Variants in SHMT1 observed in about 807,000 individuals in gnomAD.
SHMT1 encodes serine hydroxymethyltransferase, cytosolic.
Under a neutral mutation model 49.0 loss-of-function variants are expected in SHMT1, and 45 were observed. That is an observed-to-expected ratio of 0.92 (90% confidence interval 0.72 to 1.18). The LOEUF is 1.18. Ranked by LOEUF, SHMT1 falls within the 50% of genes most tolerant of loss-of-function variation. The pLI is 0.00. For synonymous variants in SHMT1, 232 were observed against 246.6 expected (o/e 0.94, Z 0.55); for missense variants, 541 against 612.4 (o/e 0.88, Z 1.23).
intron 5 of SHMT1, chr17:18,341,028 G>T: frequency 1.7e-6 from 1 of 592,446 alleles, no homozygotes; most frequent in Non-Finnish European, 3.0e-6. Flanking sequence ...CAGGGTTGTA[G>T]TGAGCCCTGC....
chr17:18,356,069 A>G, intron 1 of SHMT1, 69 bp from the exon 2 acceptor site: 1 of 777,896 alleles, frequency 1.3e-6, no homozygotes, highest in Non-Finnish European at 2.0e-6. Context: ...TTTTTTATTT[A>G]TTTTTGAGAT....
chr17:18,332,546 G>A (rs1371579963), intron 9 of SHMT1: 1 of 178,732 alleles, frequency 5.6e-6, no homozygotes, highest in Non-Finnish European at 1.2e-5. Flanking sequence ...CCTTCCTCCG[G>A]AGGACTGAGT....
intron 2 of SHMT1, among the ~76,000 whole-genome samples, chr17:18,355,143 G>A (rs1986110275): frequency 1.3e-5 from 2 of 149,000 alleles, no homozygotes; most frequent in African/African-American, 2.5e-5. Flanking sequence ...GCTGAGGTGG[G>A]CGGATCACGA....
chr17:18,340,173 G>A lies in SHMT1; in HGVS notation c.684C>T (p.Asp228=). 5.0e-6 allele frequency: 8 copies of A among 1,614,224 alleles called. No homozygotes were observed. Among genetic ancestry groups the A allele is most frequent in the Non-Finnish European group, 6.8e-6 (8 of 1,180,052 alleles). The stretch of plus-strand genomic sequence containing the variant: ...CCACCAGCCCGCTGATGTGAGCCAT[G>A]TCCGCCATGAGATACGCCCCGTTCT... The part of the protein sequence containing the change: ...ADENGAYLMA[D]MAHISGLVAA... The change falls in exon 7 of 12, where the codon GAC becomes GAT. Residue 228 remains aspartate (D), a synonymous_variant. Coordinates refer to ENST00000316694, the MANE Select transcript of SHMT1 (RefSeq NM_004169.5). The surrounding 1 kb of genome is among the most constrained non-coding windows in gnomAD (Gnocchi z 4.5).
chr17:18,350,869 A>G (rs1985617327), intron 3 of SHMT1, among the ~76,000 whole-genome samples: 1 of 150,916 alleles, frequency 6.6e-6, no homozygotes, highest in Non-Finnish European at 1.5e-5. Context: ...AGTAGCTGGG[A>G]TTACAGGCAC....
rs1479643925 is a variant in SHMT1 at position 18,335,576 on chromosome 17, T to C, written c.914A>G (p.His305Arg). Residue 305 changes from histidine to arginine, a missense_variant, in exon 8 of 12, where the codon CAC becomes CGC. Physicochemically the swap from His to Arg is conservative, Grantham distance 29. Transcript: ENST00000316694. ...AVFPGLQGGPHNHAIAGVAVA... is the reference protein window; with the variant it reads ...AVFPGLQGGPRNHAIAGVAVA... ...TGTTTTACCAGCAATGGCGTGGTTG[T>C]GGGGACCTCCCTGCAGGCCAGGGAA... 6.2e-7 allele frequency: 1 copy of C among 1,612,526 alleles called. No homozygotes were observed. Among genetic ancestry groups the C allele is most frequent in the South Asian group, 1.1e-5 (1 of 91,040 alleles).
Position 18,340,506 on chromosome 17 carries a change from G to C in SHMT1, c.601+226C>G, listed in dbSNP as rs1984379573. On this transcript the variant is annotated intron_variant, in intron 6 of 11. Transcript: ENST00000316694. This position sits in a 1 kb window ranked among gnomAD's most constrained non-coding sequence, Gnocchi z 4.5. ...GCGCAGTCAGGGCCTGACATTTCTA[G>C]ATGCTTCTCTGAGAACAGTCTCACA... is the stretch of plus-strand genomic sequence containing the variant. 1.5e-6 allele frequency: 1 copy of C among 671,416 alleles called. No homozygotes were observed. The highest frequency in any genetic ancestry group is 1.8e-5 in the African/African-American group (1 of 56,196). The allele number at this position is 671,416 out of a possible 1,614,324, so 41.6% of individuals were successfully genotyped here.
Position 18,340,101 on chromosome 17 carries a change from G to A in SHMT1, c.756C>T (p.Thr252=), listed in dbSNP as rs1182376639. 1 of 1,614,168 alleles carries A rather than the reference G, an allele frequency of 6.2e-7. No homozygotes were observed. Among genetic ancestry groups the A allele is most frequent in the Non-Finnish European group, 8.5e-7 (1 of 1,180,052 alleles). Residue 252 remains threonine, a synonymous_variant, in exon 7 of 12, where the codon ACC becomes ACT. Coordinates refer to ENST00000316694, the MANE Select transcript of SHMT1 (RefSeq NM_004169.5). This position sits in a 1 kb window ranked among gnomAD's most constrained non-coding sequence, Gnocchi z 4.5. ...PSPFEHCHVV[T]TTTHKTLRGC... is the part of the protein sequence containing the mutation. ...CTCGCAGGGTCTTGTGAGTGGTGGT[G>A]GTCACCACATGGCAGTGTTCAAATG...
intron 5 of SHMT1, among the ~76,000 whole-genome samples, chr17:18,344,096 C>A (rs897747476): frequency 2.0e-5 from 3 of 151,978 alleles, no homozygotes; most frequent in African/African-American, 7.3e-5. Context: ...ACCTTGGTGT[C>A]CCCCTCAGAA....
chr17:18,340,471 A>G lies in SHMT1; in HGVS notation c.602-216T>C. 1.5e-6 allele frequency: 1 copy of G among 674,398 alleles called. No individual in the cohort carries two copies. The highest frequency in any genetic ancestry group is 2.7e-5 in the East Asian group (1 of 36,976). 41.8% of individuals were successfully genotyped at this position (674,398 alleles called of 1,614,324 possible). A position where few individuals can be genotyped will look rare whatever the true frequency, so the allele number is the denominator to read the frequency against. On this transcript the variant is annotated intron_variant, in intron 6 of 11. Transcript: ENST00000316694. This position sits in a 1 kb window ranked among gnomAD's most constrained non-coding sequence, Gnocchi z 4.5. The stretch of plus-strand genomic sequence containing the variant: ...CTTGGTGGTTGAGATGGCCCCAACT[A>G]CTATTGCCAGCGCAGTCAGGGCCTG...
At chr17:18,356,032 C>T (rs762410362) in intron 1 of SHMT1, 32 bp from the exon 2 acceptor site, 6 of 1,008,380 alleles carry the variant, frequency 6.0e-6, no homozygotes, top group Admixed American at 5.4e-5. Context: ...GTGTAGCTTC[C>T]AGAATTAAAT....
chr17:18,348,082 G>A (rs570401117), intron 4 of SHMT1, among the ~76,000 whole-genome samples: 1 of 152,258 alleles, frequency 6.6e-6, no homozygotes. Flanking sequence ...ACTACACCCA[G>A]CTAATTTTTG....
intron 7 of SHMT1, among the ~76,000 whole-genome samples, chr17:18,336,639 C>A (rs1983825570): frequency 6.6e-6 from 1 of 151,904 alleles, no homozygotes; most frequent in South Asian, 2.1e-4. Context: ...GCACTCCAGC[C>A]TGGGCGACAA....
At chr17:18,329,035 C>G in intron 11 of SHMT1, 116 bp from the exon 12 acceptor site, 4 of 1,320,440 alleles carry the variant, frequency 3.0e-6, no homozygotes, top group Non-Finnish European at 4.3e-6. Context: ...TGGCAGGGCA[C>G]AAGGTCTCCA....
chr17:18,328,389 G>C lies in SHMT1; in HGVS notation c.*361C>G, dbSNP rs764743033. On this transcript the variant is annotated 3_prime_UTR_variant, in exon 12 of 12. Coordinates refer to ENST00000316694, the MANE Select transcript of SHMT1 (RefSeq NM_004169.5). ...TTCCTCTCTGTTGCAGCAAGGCGGA[G>C]GAAAGCCCAGGGAGAGTAAAACGCT... is the stretch of plus-strand genomic sequence containing the variant. The C allele has an allele frequency of 9.7e-6, 3 of 309,006 alleles. No individual in the cohort carries two copies. Among genetic ancestry groups the C allele is most frequent in the Non-Finnish European group, 1.9e-5 (3 of 159,754 alleles). 19.1% of individuals were successfully genotyped at this position (309,006 alleles called of 1,614,324 possible).
At chr17:18,336,105 C>T (rs764967934) in intron 7 of SHMT1, among the ~76,000 whole-genome samples, 2 of 151,838 alleles carry the variant, frequency 1.3e-5, no homozygotes, top group African/African-American at 2.4e-5. Flanking sequence ...GGTGAAACCC[C>T]GTCTCTACTA....
intron 5 of SHMT1, among the ~76,000 whole-genome samples, chr17:18,346,116 C>T (rs951605944): frequency 2.6e-5 from 4 of 152,148 alleles, no homozygotes; most frequent in African/African-American, 9.7e-5. Context: ...AAAGAGCACA[C>T]GTGCAATCAC....
chr17:18,339,999 T>G, intron 7 of SHMT1, 44 bp downstream of exon 7: 1 of 1,586,852 alleles, frequency 6.3e-7, no homozygotes, highest in Non-Finnish European at 8.6e-7. Flanking sequence ...ACAGGAGAAA[T>G]GTAAACCATG....
intron 1 of SHMT1, among the ~76,000 whole-genome samples, chr17:18,361,703 G>A (rs545114350): frequency 6.6e-5 from 10 of 151,084 alleles, no homozygotes; most frequent in East Asian, 2.0e-4. Context: ...GGAGAATGGC[G>A]TGAACCCGGG....
Sources: gnomAD v4.1 joint callset for allele counts (sites outside exome capture counted in the v4.1 genomes callset) on GRCh38, gnomAD v4.1.1 for gene constraint, Gnocchi (gnomAD v3.1) non-coding constraint, MANE v1.5 for transcripts, NCBI Gene and HGNC (gene_info 2026-07-23, HGNC 2026-07-21) for gene names.